The following TRIM54 variants were observed in gnomAD, a reference collection of about 807,000 sequenced individuals.
TRIM54 encodes tripartite motif-containing protein 54.
TRIM54 carries 40 observed loss-of-function variants against 42.0 expected under a neutral mutation model. The ratio of observed to expected loss-of-function variants is 0.95; its 90% CI spans 0.74 to 1.24. The LOEUF is 1.24. Among genes scored for constraint, TRIM54 ranks in the 50% most tolerant of loss-of-function variants. The probability of loss-of-function intolerance (pLI) is 0.00; values close to 1 mark genes in which losing one functional copy is unlikely to be tolerated. For missense variants in TRIM54, 485 were observed against 480.3 expected (o/e 1.01, Z -0.09); for synonymous variants, 199 against 194.9 (o/e 1.02, Z -0.17).
At chr2:27,305,937 T>C in intron 5 of TRIM54, 120 bp downstream of exon 5, 1 of 1,371,444 alleles carries the variant, frequency 7.3e-7, no homozygotes, top group Non-Finnish European at 1.0e-6. Flanking sequence ...CTTGGGCAAG[T>C]CACCCCCTCT....
chr2:27,283,766 A>ACGCACGCGCGCGCGCGCG (rs1678458066), intron 1 of TRIM54, among the ~76,000 whole-genome samples: 5 of 88,702 alleles, frequency 5.6e-5, no homozygotes, highest in Non-Finnish European at 8.4e-5. Flanking sequence ...GGGCAAAGGC[A>ACGCACGCGCGCGCGCGCG]CACACACACA....
intron 2 of TRIM54, among the ~76,000 whole-genome samples, chr2:27,299,037 T>C (rs556534220): frequency 1.2e-4 from 19 of 152,308 alleles, no homozygotes; most frequent in African/African-American, 4.6e-4. Flanking sequence ...CCCCTTGTAA[T>C]ACAGACTGTT....
intron 1 of TRIM54, among the ~76,000 whole-genome samples, chr2:27,293,464 T>C (rs1225712575): frequency 1.3e-5 from 2 of 152,176 alleles, no homozygotes; most frequent in Non-Finnish European, 2.9e-5. Context: ...CCCACACAGG[T>C]CCATGGGAGG....
intron 1 of TRIM54, among the ~76,000 whole-genome samples, chr2:27,287,062 G>A (rs1678586915): frequency 6.6e-6 from 1 of 152,292 alleles, no homozygotes; most frequent in Non-Finnish European, 1.5e-5. Context: ...TTGATTTAGT[G>A]AGAACGAAAA....
intron 1 of TRIM54, among the ~76,000 whole-genome samples, chr2:27,291,727 A>G (rs1678726110): frequency 6.6e-6 from 1 of 152,218 alleles, no homozygotes; most frequent in South Asian, 2.1e-4. Context: ...AAGTGGGGTT[A>G]GGATTTGGCT....
intron 1 of TRIM54, among the ~76,000 whole-genome samples, chr2:27,283,782 G>GCACACACACACACACACA (rs1294495519): frequency 1.2e-5 from 1 of 86,322 alleles, no homozygotes; most frequent in African/African-American, 4.9e-5. Context: ...ACACACACGC[G>GCACACACACACACACACA]CGCACACACA....
chr2:27,301,049 G>C (rs1165563519), intron 3 of TRIM54, among the ~76,000 whole-genome samples: 4 of 151,614 alleles, frequency 2.6e-5, no homozygotes, highest in Admixed American at 6.6e-5. Context: ...ATAGAGTAAA[G>C]TGAAAGCAAG....
At chr2:27,301,169 C>T (rs1438619918) in intron 3 of TRIM54, among the ~76,000 whole-genome samples, 3 of 132,188 alleles carry the variant, frequency 2.3e-5, no homozygotes, top group Non-Finnish European at 4.7e-5. Flanking sequence ...GATGGAGTTT[C>T]GCTCTTGTCG....
intron 1 of TRIM54, among the ~76,000 whole-genome samples, chr2:27,284,508 A>T (rs1446118846): frequency 6.6e-6 from 1 of 150,536 alleles, no homozygotes; most frequent in Non-Finnish European, 1.5e-5. Flanking sequence ...GCCATTATTC[A>T]GCTCCAGAGT....
At chr2:27,300,636 G>A (rs1679010040) in intron 3 of TRIM54, among the ~76,000 whole-genome samples, 1 of 98,026 alleles carries the variant, frequency 1.0e-5, no homozygotes, top group South Asian at 3.8e-4. Flanking sequence ...TTAGAAGAGC[G>A]AGGCAGGGGG....
rs528795152 is a variant in TRIM54 at position 27,306,918 on chromosome 2, C to A, written c.*33C>A. The A allele has an allele frequency of 3.2e-6, 1 of 314,284 alleles. No homozygotes were observed. Among genetic ancestry groups the A allele is most frequent in the Admixed American group, 4.7e-5 (1 of 21,240 alleles). The allele number at this position is 314,284 out of a possible 1,614,324, so 19.5% of individuals were successfully genotyped here. ...GCCGACCCGACCCTGCTCGAGAGCCCGCGCTAGAGTCGGGGAGGATCTGCG... is the reference window on the plus strand; with the variant it reads ...GCCGACCCGACCCTGCTCGAGAGCCAGCGCTAGAGTCGGGGAGGATCTGCG... On this transcript the variant is annotated 3_prime_UTR_variant, in exon 9 of 9. Transcript: ENST00000380075. The surrounding 1 kb of genome is among the most constrained non-coding windows in gnomAD (Gnocchi z 6.1).
intron 1 of TRIM54, 145 bp from the exon 2 acceptor site, chr2:27,298,422 G>A: frequency 1.5e-6 from 1 of 646,268 alleles, no homozygotes; most frequent in Non-Finnish European, 2.7e-6. Context: ...GCTGCTCTCA[G>A]AGGTGGATCC....
rs774235732 is a variant in TRIM54 at position 27,306,230 on chromosome 2, A to G, written c.884A>G (p.Lys295Arg). The G allele has an allele frequency of 1.8e-5, 29 of 1,613,904 alleles. No homozygotes were observed. The highest frequency in any genetic ancestry group is 2.1e-5 in the Non-Finnish European group (25 of 1,180,002). Reference protein sequence around the residue: ...ELINKVGAMSKVELAGRPEPG... With the variant: ...ELINKVGAMSRVELAGRPEPG... ...CACTGCAGGGTCGGGGCCATGTCGAAGGTGGAGCTGGCAGGGCGGCCGGAG... is the reference window on the plus strand; with the variant it reads ...CACTGCAGGGTCGGGGCCATGTCGAGGGTGGAGCTGGCAGGGCGGCCGGAG... The change falls in exon 7 of 9, where the codon AAG becomes AGG. Residue 295 changes from lysine (K) to arginine (R), a missense_variant. Physicochemically the swap from Lys to Arg is conservative, Grantham distance 26. Coordinates refer to ENST00000380075, the MANE Select transcript of TRIM54 (RefSeq NM_187841.3). The surrounding 1 kb of genome is among the most constrained non-coding windows in gnomAD (Gnocchi z 6.1).
At chr2:27,283,782 GCGCACACA>G (rs1240400732) in intron 1 of TRIM54, among the ~76,000 whole-genome samples, 54 of 86,342 alleles carry the variant, frequency 6.3e-4, no homozygotes, top group African/African-American at 2.6e-3. Flanking sequence ...ACACACACGC[GCGCACACA>G]CACACACACA....
intron 1 of TRIM54, among the ~76,000 whole-genome samples, chr2:27,284,721 A>G (rs913809987): frequency 2.0e-5 from 3 of 152,096 alleles, no homozygotes; most frequent in African/African-American, 7.2e-5. Context: ...TTTCTCATGA[A>G]CTTACAGTGA....
chr2:27,305,899 G>A (rs1405557246), intron 5 of TRIM54, 82 bp downstream of exon 5: 1 of 1,395,754 alleles, frequency 7.2e-7, no homozygotes, highest in Non-Finnish European at 9.8e-7. Flanking sequence ...TTCAAGTCTT[G>A]TCTCTTGCAC....
intron 3 of TRIM54, among the ~76,000 whole-genome samples, chr2:27,300,464 G>A (rs893662903): frequency 2.0e-5 from 3 of 148,072 alleles, no homozygotes; most frequent in African/African-American, 2.6e-5. Flanking sequence ...GAGCCCCTGC[G>A]CCCGAACCTA....
At chr2:27,288,922 A>G (rs1678646892) in intron 1 of TRIM54, among the ~76,000 whole-genome samples, 1 of 152,228 alleles carries the variant, frequency 6.6e-6, no homozygotes, top group Admixed American at 6.5e-5. Flanking sequence ...AGAACAGGAC[A>G]TTTATGTGTA....
chr2:27,306,672 C>CG lies in TRIM54; in HGVS notation c.*1+132dup, dbSNP rs954607752. The CG allele has an allele frequency of 8.0e-5, 79 of 989,594 alleles. No homozygotes were observed. In the African/African-American group the frequency reaches 1.3e-3, roughly 16 times the overall value. The allele number at this position is 989,594 out of a possible 1,614,324, so 61.3% of individuals were successfully genotyped here. ...CGGGTAGCGTGGAGCCCCCACTCCT[C>CG]GGTGCAACCCAACCCCGGAGCCACA... On this transcript the variant is annotated intron_variant, in intron 8 of 8. Transcript: ENST00000380075. The surrounding 1 kb of genome is among the most constrained non-coding windows in gnomAD (Gnocchi z 6.1).
Sources: gnomAD v4.1 joint callset for allele counts (sites outside exome capture counted in the v4.1 genomes callset) on GRCh38, gnomAD v4.1.1 for gene constraint, Gnocchi (gnomAD v3.1) non-coding constraint, MANE v1.5 for transcripts, NCBI Gene and HGNC (gene_info 2026-07-23, HGNC 2026-07-21) for gene names.